The following PCDHA1 variants were observed in gnomAD, a reference collection of about 807,000 sequenced individuals.
PCDHA1 encodes the protein protocadherin alpha 1, also known as protocadherin alpha-1.
A neutral mutation model predicts 61.3 loss-of-function variants in PCDHA1; 42 were observed. That is an observed-to-expected ratio of 0.69 (90% CI 0.54 to 0.89). The LOEUF (loss-of-function observed/expected upper bound fraction) is 0.89, where lower values mean the gene tolerates loss of function less well. Ranked by LOEUF, PCDHA1 falls within the 40% of genes least tolerant of loss-of-function variation. PCDHA1 has a pLI of 0.00. For missense variants in PCDHA1, 1,256 were observed against 1,235.3 expected (o/e 1.02, Z -0.25); for synonymous variants, 610 against 553.8 (o/e 1.10, Z -1.43).
chr5:141,007,728 G>A (rs2098342783), intron 3 of PCDHA1, among the ~76,000 whole-genome samples: 1 of 152,096 alleles, frequency 6.6e-6, no homozygotes, highest in Non-Finnish European at 1.5e-5. Context: ...GAGAACAAAG[G>A]TTAACCACTG....
At position 140,786,421 on chromosome 5, in the gene PCDHA1, T is replaced by G. The variant is rs1761306390; in HGVS notation, c.131T>G (p.Phe44Cys). 1 of 1,613,428 alleles carries G rather than the reference T, an allele frequency of 6.2e-7. No homozygotes were observed. The highest frequency in any genetic ancestry group is 8.5e-7 in the Non-Finnish European group (1 of 1,180,026). Residue 44 changes from phenylalanine (F) to cysteine (C), a missense_variant, in exon 1 of 4, where the codon TTC becomes TGC. By Grantham distance (205) the Phe-to-Cys change is radical. Coordinates refer to ENST00000504120, the MANE Select transcript of PCDHA1 (RefSeq NM_018900.4). ...CCGGAGGAAGCCAAACACGGCACCTTCGTTGGCCGCGTTGCTCAGGACCTG... is the reference window on the plus strand; with the variant it reads ...CCGGAGGAAGCCAAACACGGCACCTGCGTTGGCCGCGTTGCTCAGGACCTG... ...SIPEEAKHGT[F>C]VGRVAQDLGL...
intron 1 of PCDHA1, chr5:140,884,345 C>A (rs782318945): frequency 1.2e-6 from 2 of 1,613,916 alleles, no homozygotes; most frequent in African/African-American, 2.7e-5. Flanking sequence ...AGAAGCGGCG[C>A]TGGTGGATGT....
At position 140,852,979 on chromosome 5, in the gene PCDHA1, C is replaced by T. The variant is rs1163126310; in HGVS notation, c.2394+64295C>T. ...CTCCAAGCTCCCCCTCCCGTGTTCA[C>T]GCCATTCTCCTGCCTCAGCCTCCCG... On this transcript the variant is annotated intron_variant, in intron 1 of 3. Transcript: ENST00000504120. 7 of 345,732 alleles carry T rather than the reference C, an allele frequency of 2.0e-5. No individual in the cohort carries two copies. In the East Asian group the frequency reaches 5.0e-4, roughly 24 times the overall value. 21.4% of individuals were successfully genotyped at this position (345,732 alleles called of 1,614,324 possible).
intron 1 of PCDHA1, chr5:140,966,564 T>A (rs1342180377): frequency 2.0e-6 from 1 of 488,548 alleles, no homozygotes; most frequent in Non-Finnish European, 3.4e-6. Context: ...GGAGCTGGAA[T>A]ATGGGGAGTC....
intron 1 of PCDHA1, among the ~76,000 whole-genome samples, chr5:140,958,001 T>C (rs1257234939): frequency 6.6e-6 from 1 of 152,144 alleles, no homozygotes; most frequent in Non-Finnish European, 1.5e-5. Flanking sequence ...ATTTTTTGTT[T>C]CAATTCTATC....
intron 1 of PCDHA1, chr5:140,802,036 C>T: frequency 1.9e-6 from 3 of 1,614,182 alleles, no homozygotes; most frequent in Non-Finnish European, 2.5e-6. Flanking sequence ...ATCGCGTATT[C>T]TTTCAATACG....
At chr5:140,916,508 T>G (rs2077594251) in intron 1 of PCDHA1, among the ~76,000 whole-genome samples, 1 of 152,200 alleles carries the variant, frequency 6.6e-6, no homozygotes, top group Non-Finnish European at 1.5e-5. Context: ...GTGATTAATC[T>G]TGCCAAGACT....
At chr5:140,836,668 A>T in intron 1 of PCDHA1, 1 of 1,613,338 alleles carries the variant, frequency 6.2e-7, no homozygotes, top group Non-Finnish European at 8.5e-7. Context: ...TGCTCTGGGG[A>T]GGGCCCACCC....
chr5:140,843,940 T>C (rs1562418437), intron 1 of PCDHA1: 1 of 573,848 alleles, frequency 1.7e-6, no homozygotes, highest in South Asian at 2.4e-5. Flanking sequence ...TATGGTTGGA[T>C]GATATCCATT....
At position 140,842,211 on chromosome 5, in the gene PCDHA1, G is replaced by A. The variant is rs141101675; in HGVS notation, c.2394+53527G>A. The A allele has an allele frequency of 5.8e-5, 93 of 1,613,388 alleles. 2 individuals carry two copies. Among genetic ancestry groups the A allele is most frequent in the Non-Finnish European group, 5.4e-5 (64 of 1,179,636 alleles). ...GTTATTGACCACTTTAGCATAGATCGAAATACGGGAGAAATAGTGATTCGG... is the reference window on the plus strand; with the variant it reads ...GTTATTGACCACTTTAGCATAGATCAAAATACGGGAGAAATAGTGATTCGG... On this transcript the variant is annotated intron_variant, in intron 1 of 3. Transcript: ENST00000504120.
intron 1 of PCDHA1, chr5:140,929,602 A>G: frequency 2.4e-6 from 1 of 417,610 alleles, no homozygotes; most frequent in Non-Finnish European, 4.3e-6. Flanking sequence ...CTAAAATTAA[A>G]AATAAAATAC....
intron 1 of PCDHA1, among the ~76,000 whole-genome samples, chr5:140,890,620 A>G (rs1554184472): frequency 6.6e-6 from 1 of 152,196 alleles, no homozygotes; most frequent in East Asian, 1.9e-4. Flanking sequence ...TTACCCTAGA[A>G]AATTAAGCAT....
At chr5:140,809,394 A>G in intron 1 of PCDHA1, 18 of 1,614,068 alleles carry the variant, frequency 1.1e-5, no homozygotes, top group Non-Finnish European at 1.5e-5. Flanking sequence ...GCTCCGGGCA[A>G]GCCCACGCTG....
chr5:140,835,534 AG>A, intron 1 of PCDHA1: 1 of 1,613,954 alleles, frequency 6.2e-7, no homozygotes, highest in Non-Finnish European at 8.5e-7. Flanking sequence ...GTCAACGGAC[AG>A]GTTACCTGCT....
chr5:140,934,569 A>AT (rs1286294364), intron 1 of PCDHA1, among the ~76,000 whole-genome samples: 1 of 152,044 alleles, frequency 6.6e-6, no homozygotes, highest in Admixed American at 6.6e-5. Context: ...TTTTTAATTA[A>AT]TTGTAACATT....
chr5:141,003,796 G>A (rs2098138988), intron 3 of PCDHA1, among the ~76,000 whole-genome samples: 1 of 152,168 alleles, frequency 6.6e-6, no homozygotes, highest in Non-Finnish European at 1.5e-5. Context: ...ATCCTATTGG[G>A]TTGTAATCTG....
At position 140,848,447 on chromosome 5, in the gene PCDHA1, CT is replaced by C; in HGVS notation, c.2394+59764del. On this transcript the variant is annotated intron_variant, in intron 1 of 3. Transcript: ENST00000504120. ...GACTGACGAAATCAGATGATTTCTT[CT>C]AATTTGGAGGCAATTTTCACTAATT... The C allele has an allele frequency of 2.7e-6, 4 of 1,507,352 alleles. 1 individual carries two copies. The highest frequency in any genetic ancestry group is 9.0e-7 in the Non-Finnish European group (1 of 1,107,456). 93.4% of individuals were successfully genotyped at this position (1,507,352 alleles called of 1,614,324 possible).
chr5:140,900,167 T>C (rs756471243), intron 1 of PCDHA1, among the ~76,000 whole-genome samples: 1 of 152,238 alleles, frequency 6.6e-6, no homozygotes, highest in Non-Finnish European at 1.5e-5. Context: ...TGTCTTTCTG[T>C]GCCTGGTTTA....
At chr5:140,809,872 A>AT (rs1435895332) in intron 1 of PCDHA1, 4 of 262,694 alleles carry the variant, frequency 1.5e-5, no homozygotes, top group Middle Eastern at 1.2e-3. Context: ...TTTTACTATT[A>AT]TTTAACCTAT....
Sources: gnomAD v4.1 joint callset for allele counts (sites outside exome capture counted in the v4.1 genomes callset) on GRCh38, gnomAD v4.1.1 for gene constraint, MANE v1.5 for transcripts, NCBI Gene and HGNC (gene_info 2026-07-23, HGNC 2026-07-21) for gene names.